The following NUBPL variants were observed in gnomAD, a reference collection of about 807,000 sequenced individuals.
The protein encoded by NUBPL is NUBP iron-sulfur cluster assembly factor, mitochondrial, also known as iron-sulfur cluster transfer protein NUBPL.
Under a neutral mutation model 45.7 loss-of-function variants are expected in NUBPL, and 31 were observed. The ratio of observed to expected loss-of-function variants is 0.68; its 90% CI spans 0.51 to 0.92. The LOEUF is 0.92. Among genes scored for constraint, NUBPL ranks in the 40% least tolerant of loss-of-function variants. NUBPL has a pLI of 0.00. For missense variants in NUBPL, 401 were observed against 398.7 expected (o/e 1.01, Z -0.05); for synonymous variants, 144 against 140.9 (o/e 1.02, Z -0.15).
chr14:31,565,513 T>C (rs1366667324), intron 3 of NUBPL, among the ~76,000 whole-genome samples: 1 of 152,202 alleles, frequency 6.6e-6, no homozygotes, highest in East Asian at 1.9e-4. Context: ...GTATATCCTT[T>C]CAGCTCTTCC....
intron 6 of NUBPL, among the ~76,000 whole-genome samples, chr14:31,731,350 G>T (rs1210601478): frequency 1.3e-5 from 2 of 152,176 alleles, no homozygotes; most frequent in African/African-American, 4.8e-5. Flanking sequence ...GAGCCAGCTT[G>T]AATTCCAAAT....
intron 3 of NUBPL, among the ~76,000 whole-genome samples, chr14:31,572,382 G>T (rs552977440): frequency 3.3e-5 from 5 of 151,960 alleles, no homozygotes; most frequent in Non-Finnish European, 5.9e-5. Context: ...CTCATGATCC[G>T]CCTGCTTCGG....
At chr14:31,807,706 G>A (rs775171630) in intron 7 of NUBPL, among the ~76,000 whole-genome samples, 5 of 152,196 alleles carry the variant, frequency 3.3e-5, no homozygotes, top group African/African-American at 4.8e-5. Context: ...CTGTGCTTAT[G>A]TCCTCAATGG....
chr14:31,721,688 C>T (rs1157739294), intron 6 of NUBPL, among the ~76,000 whole-genome samples: 1 of 151,574 alleles, frequency 6.6e-6, no homozygotes, highest in African/African-American at 2.4e-5. Flanking sequence ...ACTCATGTCC[C>T]GGGGGTTTGT....
intron 4 of NUBPL, among the ~76,000 whole-genome samples, chr14:31,615,742 T>A (rs2034882170): frequency 6.6e-6 from 1 of 152,218 alleles, no homozygotes; most frequent in Admixed American, 6.5e-5. Context: ...TTGTGAACAG[T>A]GCTGCAATAA....
In NUBPL at chr14:31,734,426, C is replaced by T. The variant is rs189522931; in HGVS notation, c.514-53354C>T. Among the ~76,000 whole-genome samples the T allele has an allele frequency of 1.3e-3, 192 of 152,146 alleles. 3 individuals carry two copies. The highest frequency in any genetic ancestry group is 3.4e-3 in the Middle Eastern group (1 of 294). ...ACATAGAGAACAATCTCTGACTAGA[C>T]CAGTGCACACAGTGGTTCTGGAAAT... On this transcript the variant is annotated intron_variant, in intron 6 of 10. Transcript: ENST00000281081.
At chr14:31,824,453 T>C (rs1053255574) in intron 7 of NUBPL, among the ~76,000 whole-genome samples, 6 of 152,322 alleles carry the variant, frequency 3.9e-5, no homozygotes, top group Non-Finnish European at 7.4e-5. Context: ...AGTTTATAGC[T>C]CATATTGTAT....
chr14:31,768,221 T>G (rs187392297), intron 6 of NUBPL, among the ~76,000 whole-genome samples: 1 of 152,296 alleles, frequency 6.6e-6, no homozygotes, highest in African/African-American at 2.4e-5. Flanking sequence ...TATCAAGCAA[T>G]AGGGCAAAGA....
At chr14:31,653,940 C>G in intron 4 of NUBPL, 1 of 292,034 alleles carries the variant, frequency 3.4e-6, no homozygotes, top group Admixed American at 3.5e-5. Context: ...GGGTCCCTGA[C>G]TTCCCACAAC....
intron 6 of NUBPL, among the ~76,000 whole-genome samples, chr14:31,707,067 C>CT (rs1566513600): frequency 6.6e-6 from 1 of 152,154 alleles, no homozygotes; most frequent in South Asian, 2.1e-4. Flanking sequence ...CCCATTGTGT[C>CT]TTTTTTTCCT....
chr14:31,632,925 T>C (rs904762880), intron 4 of NUBPL, among the ~76,000 whole-genome samples: 2 of 152,248 alleles, frequency 1.3e-5, no homozygotes, highest in Admixed American at 1.3e-4. Flanking sequence ...TATATGTTAA[T>C]CTATATTTTA....
intron 7 of NUBPL, among the ~76,000 whole-genome samples, chr14:31,817,522 C>G (rs1164575765): frequency 6.6e-6 from 1 of 152,150 alleles, no homozygotes; most frequent in African/African-American, 2.4e-5. Flanking sequence ...GTAGCCAATA[C>G]TCAACATTCT....
At chr14:31,575,281 T>C (rs2033690003) in intron 3 of NUBPL, among the ~76,000 whole-genome samples, 1 of 152,254 alleles carries the variant, frequency 6.6e-6, no homozygotes, top group African/African-American at 2.4e-5. Context: ...GAATATATTT[T>C]GTATCACCAC....
intron 4 of NUBPL, among the ~76,000 whole-genome samples, chr14:31,634,183 A>G (rs2035421703): frequency 1.3e-5 from 2 of 150,874 alleles, no homozygotes; most frequent in South Asian, 4.2e-4. Flanking sequence ...AGTTTGCTGC[A>G]CCCATTAACT....
At chr14:31,666,247 A>T (rs1249576762) in intron 4 of NUBPL, among the ~76,000 whole-genome samples, 10,327 of 47,176 alleles carry the variant, frequency 0.22, 1,129 homozygotes, top group African/African-American at 0.36. Flanking sequence ...ATATATATAT[A>T]TATATATATA....
chr14:31,811,136 C>T (rs1052864744), intron 7 of NUBPL, among the ~76,000 whole-genome samples: 2 of 152,142 alleles, frequency 1.3e-5, no homozygotes, highest in African/African-American at 4.8e-5. Context: ...GTGGTGTTCT[C>T]TGTACTTCCT....
intron 7 of NUBPL, 54 bp downstream of exon 7, chr14:31,787,927 C>G: frequency 8.1e-7 from 1 of 1,241,444 alleles, no homozygotes; most frequent in Non-Finnish European, 1.2e-6. Flanking sequence ...GTTGTTATTG[C>G]TATACCAAAA....
intron 4 of NUBPL, among the ~76,000 whole-genome samples, chr14:31,638,867 T>A (rs1457545608): frequency 6.6e-6 from 1 of 152,250 alleles, no homozygotes; most frequent in African/African-American, 2.4e-5. Context: ...TTTCTTCCAG[T>A]TGATCGGATC....
chr14:31,593,398 C>A (rs563066412), intron 3 of NUBPL, among the ~76,000 whole-genome samples: 37 of 150,856 alleles, frequency 2.5e-4, no homozygotes, highest in African/African-American at 9.0e-4. Context: ...TCTGTAGTCC[C>A]GGTTACTCGG....
Sources: allele counts gnomAD v4.1 joint callset (sites outside exome capture counted in the v4.1 genomes callset), GRCh38; gene constraint gnomAD v4.1.1; transcripts MANE v1.5; gene names NCBI Gene and HGNC (gene_info 2026-07-23, HGNC 2026-07-21).